CYP4F11: variants seen among roughly 807,000 people sequenced by gnomAD.
The protein encoded by CYP4F11 is cytochrome P450 family 4 subfamily F member 11, also known as cytochrome P450 4F11.
CYP4F11 carries 79 observed loss-of-function variants against 62.2 expected under a neutral mutation model. The observed-to-expected ratio is 1.27, with a 90% CI of 1.06 to 1.53. The LOEUF is 1.53. CYP4F11 is among the 40% of genes most tolerant of loss of function. The pLI, the probability that CYP4F11 is intolerant of heterozygous loss-of-function variation, is 0.00. For synonymous variants in CYP4F11, 290 were observed against 263.7 expected (o/e 1.10, Z -0.97); for missense variants, 777 against 680.5 (o/e 1.14, Z -1.58).
chr19:15,912,805 T>TATATATATATATATAC lies in CYP4F11; in HGVS notation c.*926_*927insGTATATATATATATAT, dbSNP rs1183276800. ...TATATATATAATATATATATATATA[T>TATATATATATATATAC]ACATATCTTATATGCACAGCCCTCT... On this transcript the variant is annotated 3_prime_UTR_variant, in exon 12 of 12. Transcript: ENST00000402119. 3.0e-5 allele frequency: 3 copies of TATATATATATATATAC among 101,238 alleles called. No individual in the cohort carries two copies. Among genetic ancestry groups the TATATATATATATATAC allele is most frequent in the Non-Finnish European group, 5.9e-5 (3 of 50,794 alleles). 6.3% of individuals were successfully genotyped at this position (101,238 alleles called of 1,614,324 possible).
chr19:15,918,396 A>G (rs1024501365), intron 8 of CYP4F11, among the ~76,000 whole-genome samples: 9 of 152,150 alleles, frequency 5.9e-5, no homozygotes, highest in African/African-American at 1.4e-4. Flanking sequence ...GCACACGTTT[A>G]CCTATGTAAC....
rs1234558172 is a variant in CYP4F11, at chr19:15,922,222, G to A, written c.986-56C>T. 6 of 1,598,172 alleles carry A rather than the reference G, an allele frequency of 3.8e-6. No homozygotes were observed. In the African/African-American group the frequency reaches 8.1e-5, roughly 21 times the overall value. On this transcript the variant is annotated intron_variant, in intron 7 of 11. Coordinates refer to ENST00000402119, the MANE Select transcript of CYP4F11 (RefSeq NM_021187.4). Reference sequence around the variant, plus strand: ...TGGGCTGCTTCAGCACCAGAGGGAGGAGAGCACCCAAACTCTGAGGCCCTC... The same window carrying A: ...TGGGCTGCTTCAGCACCAGAGGGAGAAGAGCACCCAAACTCTGAGGCCCTC...
chr19:15,917,902 G>T (rs1007173244), intron 8 of CYP4F11, among the ~76,000 whole-genome samples: 6 of 152,108 alleles, frequency 3.9e-5, no homozygotes, highest in African/African-American at 1.2e-4. Context: ...TCTAGGGGCA[G>T]AAATACCATT....
intron 8 of CYP4F11, among the ~76,000 whole-genome samples, chr19:15,917,092 A>C (rs2089589141): frequency 6.6e-6 from 1 of 152,208 alleles, no homozygotes. Flanking sequence ...CTACTCAGCC[A>C]TTAAAAGGAA....
At chr19:15,919,471 T>TATAGATAG (rs3056072) in intron 8 of CYP4F11, among the ~76,000 whole-genome samples, 9,616 of 136,564 alleles carry the variant, frequency 0.07, 383 homozygotes, top group East Asian at 0.13. Flanking sequence ...TGGACAGATG[T>TATAGATAG]ATAGATAGAT....
At chr19:15,933,223 A>G (rs200255860) in intron 1 of CYP4F11, among the ~76,000 whole-genome samples, 29 of 17,886 alleles carry the variant, frequency 1.6e-3, no homozygotes, top group South Asian at 3.5e-3. Context: ...TGAGTGAGTG[A>G]GGAGAGGAAT....
intron 6 of CYP4F11, 82 bp downstream of exon 6, chr19:15,923,730 T>C: frequency 1.3e-6 from 2 of 1,532,282 alleles, no homozygotes; most frequent in Non-Finnish European, 1.8e-6. Flanking sequence ...CAGTGCCCTT[T>C]GGATCAAGTC....
At chr19:15,931,170 G>A (rs2089712575) in intron 1 of CYP4F11, among the ~76,000 whole-genome samples, 1 of 151,832 alleles carries the variant, frequency 6.6e-6, no homozygotes, top group African/African-American at 2.4e-5. Context: ...GGAGGAAGGT[G>A]CCTCCAGAAA....
chr19:15,914,794 A>G lies in CYP4F11; in HGVS notation c.1217T>C (p.Phe406Ser). Residue 406 changes from phenylalanine to serine, a missense_variant, in exon 9 of 12, where the codon TTT becomes TCT. Transcript: ENST00000402119. ...PVISRCCTQD[F>S]VLPDGRVIPK... is the part of the protein sequence containing the mutation. ...GATGACGCGGCCGTCTGGGAGCACA[A>G]AGTCCTGCGTGCAACATCGGGAGAT... The G allele has an allele frequency of 6.2e-7, 1 of 1,614,144 alleles. No individual in the cohort carries two copies. The highest frequency in any genetic ancestry group is 8.5e-7 in the Non-Finnish European group (1 of 1,180,020).
intron 1 of CYP4F11, among the ~76,000 whole-genome samples, chr19:15,931,579 A>G (rs1228647392): frequency 4.1e-5 from 5 of 122,526 alleles, no homozygotes; most frequent in South Asian, 2.8e-4. Context: ...GGAATGAGTG[A>G]GCGAGGAGAG....
chr19:15,913,963 C>T lies in CYP4F11; in HGVS notation c.1398-54G>A, dbSNP rs1275719925. The T allele has an allele frequency of 2.2e-5, 34 of 1,567,800 alleles. No homozygotes were observed. In the East Asian group the frequency reaches 7.0e-4, roughly 32 times the overall value. ...GTGCCCATGACCCCCATCCCGGCCCCATCATGCTTAGAACCTGGCCTGGGA... is the reference window on the plus strand; with the variant it reads ...GTGCCCATGACCCCCATCCCGGCCCTATCATGCTTAGAACCTGGCCTGGGA... On this transcript the variant is annotated intron_variant, in intron 11 of 11. Transcript: ENST00000402119.
At position 15,930,085 on chromosome 19, in the gene CYP4F11, T is replaced by C. The variant is rs373546004; in HGVS notation, c.199-484A>G. 5.4e-4 allele frequency among the ~76,000 whole-genome samples: 80 copies of C among 146,856 alleles called. 1 individual carries two copies. Among genetic ancestry groups the C allele is most frequent in the Middle Eastern group, 6.8e-3 (2 of 294 alleles). The stretch of plus-strand genomic sequence containing the variant: ...TCTCTCTCTCTCTCTGTCTCATACA[T>C]GCATGAGATATAAGCGGGAAGATAT... On this transcript the variant is annotated intron_variant, in intron 1 of 11. Coordinates refer to ENST00000402119, the MANE Select transcript of CYP4F11 (RefSeq NM_021187.4).
Position 15,924,084 on chromosome 19 carries a change from T to C in CYP4F11, c.648-2A>G, listed in dbSNP as rs751402411. The C allele has an allele frequency of 6.0e-5, 97 of 1,612,412 alleles. No homozygotes were observed. Among genetic ancestry groups the C allele is most frequent in the Non-Finnish European group, 7.8e-5 (92 of 1,178,748 alleles). ...GCGGCAATATATTCACTGGGCTTCC[T>C]GCATGAAGGAGGTAACAACTTAACA... On this transcript the variant is annotated splice_acceptor_variant, in intron 5 of 11. Transcript: ENST00000402119. LOFTEE classifies it high-confidence loss of function.
chr19:15,925,126 T>TAG (rs2089659104), intron 4 of CYP4F11, among the ~76,000 whole-genome samples: 1 of 152,190 alleles, frequency 6.6e-6, no homozygotes, highest in South Asian at 2.1e-4. Flanking sequence ...GTCTGTGTGC[T>TAG]CTTGGTCAAC....
At chr19:15,930,430 A>G (rs567582355) in intron 1 of CYP4F11, among the ~76,000 whole-genome samples, 253 of 152,214 alleles carry the variant, frequency 1.7e-3, no homozygotes, top group African/African-American at 5.9e-3. Flanking sequence ...CGTGTCTACT[A>G]AAAATACAAA....
At chr19:15,914,159 C>T in intron 11 of CYP4F11, 146 bp downstream of exon 11, 2 of 1,177,266 alleles carry the variant, frequency 1.7e-6, no homozygotes, top group Non-Finnish European at 1.2e-6. Context: ...CTAGGACCTT[C>T]CCAAACCCAT....
chr19:15,934,072 A>G (rs202047877), intron 1 of CYP4F11, 139 bp downstream of exon 1: 4 of 701,892 alleles, frequency 5.7e-6, no homozygotes, highest in African/African-American at 1.9e-5. Context: ...GGGCAGAGGA[A>G]TGAGTGAGCT....
chr19:15,914,593 A>G lies in CYP4F11; in HGVS notation c.1314+9T>C. On this transcript the variant is annotated intron_variant, in intron 10 of 11. Transcript: ENST00000402119. ...GACTCCAAAAAGGGTGGGGTGAGGG[A>G]GGCACTACCTCAGGGTCTGGCCACA... 1 of 1,614,036 alleles carries G rather than the reference A, an allele frequency of 6.2e-7. No homozygotes were observed. Among genetic ancestry groups the G allele is most frequent in the Non-Finnish European group, 8.5e-7 (1 of 1,179,926 alleles).
chr19:15,921,599 G>A (rs1203517870), intron 8 of CYP4F11, among the ~76,000 whole-genome samples: 1 of 152,226 alleles, frequency 6.6e-6, no homozygotes, highest in African/African-American at 2.4e-5. Context: ...ATGAAGACTG[G>A]ATGGATGAAC....
Sources: allele counts gnomAD v4.1 joint callset (sites outside exome capture counted in the v4.1 genomes callset), GRCh38; gene constraint gnomAD v4.1.1; transcripts MANE v1.5; gene names NCBI Gene and HGNC (gene_info 2026-07-23, HGNC 2026-07-21).